WDR25: variants seen among roughly 807,000 people sequenced by gnomAD.
WDR25 encodes WD repeat-containing protein 25.
In WDR25, 35 loss-of-function variants were observed where a neutral mutation model predicts 47.7. The observed-to-expected ratio is 0.73, with a 90% confidence interval of 0.56 to 0.97. The LOEUF is 0.97. WDR25 is among the 50% of genes least tolerant of loss of function. WDR25 has a pLI of 0.00. For missense variants in WDR25, 634 were observed against 704.7 expected (o/e 0.90, Z 1.14); for synonymous variants, 248 against 278.9 (o/e 0.89, Z 1.10).
intron 2 of WDR25, among the ~76,000 whole-genome samples, chr14:100,442,477 A>G (rs1326746669): frequency 6.6e-6 from 1 of 152,216 alleles, no homozygotes; most frequent in African/African-American, 2.4e-5. Flanking sequence ...TTAACATTTT[A>G]TATGCTAGGC....
At position 100,424,335 on chromosome 14, in the gene WDR25, C is replaced by T. The variant is rs748770430; in HGVS notation, c.822+42589C>T. ...GCCTCTGTTTCCATGACAGACTGTT[C>T]ACAGCCTCACAGTTTGCATCCCGTG... On this transcript the variant is annotated intron_variant, in intron 2 of 6. Transcript: ENST00000402312. The surrounding 1 kb of genome is among the most constrained non-coding windows in gnomAD (Gnocchi z 4.2). Among the ~76,000 whole-genome samples, 2 of 152,214 alleles carry T rather than the reference C, an allele frequency of 1.3e-5. No homozygotes were observed. Among genetic ancestry groups the T allele is most frequent in the Non-Finnish European group, 2.9e-5 (2 of 68,038 alleles).
At chr14:100,462,723 T>TA (rs1899456758) in intron 2 of WDR25, among the ~76,000 whole-genome samples, 1 of 152,174 alleles carries the variant, frequency 6.6e-6, no homozygotes, top group Non-Finnish European at 1.5e-5. Flanking sequence ...TTCATAGAGT[T>TA]CAAGTTTTTT....
chr14:100,381,705 A>G lies in WDR25; in HGVS notation c.781A>G (p.Ser261Gly), dbSNP rs560440948. The change falls in exon 2 of 7, where the codon AGC becomes GGC. Residue 261 changes from serine (S) to glycine (G), a missense_variant. Transcript: ENST00000402312. Reference protein sequence around the residue: ...TIQWCPVLSKSHMLLSTSMDK... With the variant: ...TIQWCPVLSKGHMLLSTSMDK... ...TCAGTGGTGTCCAGTCCTTTCTAAG[A>G]GCCACATGCTTCTCTCCACTTCTAT... 1 of 1,611,668 alleles carries G rather than the reference A, an allele frequency of 6.2e-7. No homozygotes were observed. Among genetic ancestry groups the G allele is most frequent in the Admixed American group, 1.7e-5 (1 of 59,150 alleles).
intron 4 of WDR25, chr14:100,504,377 T>C (rs1230876894): frequency 6.6e-6 from 1 of 152,268 alleles, no homozygotes; most frequent in Non-Finnish European, 1.5e-5. Flanking sequence ...AACTTATTTA[T>C]TGGGTAATAA....
Position 100,404,923 on chromosome 14 carries a change from C to T in WDR25, c.822+23177C>T, listed in dbSNP as rs1200151672. On this transcript the variant is annotated intron_variant, in intron 2 of 6. Coordinates refer to ENST00000402312, the MANE Select transcript of WDR25 (RefSeq NM_001161476.3). The surrounding 1 kb of genome is among the most constrained non-coding windows in gnomAD (Gnocchi z 4.6). ...GAACTTGGCACTGGTGTGTTTGGGC[C>T]CTTCCTCTTAACCCTCCTACCTTGT... Among the ~76,000 whole-genome samples the T allele has an allele frequency of 6.6e-6, 1 of 152,080 alleles. No homozygotes were observed. Among genetic ancestry groups the T allele is most frequent in the Non-Finnish European group, 1.5e-5 (1 of 68,012 alleles).
In WDR25 at chr14:100,529,366, C is replaced by A; in HGVS notation, c.1413+158C>A. 1 of 1,155,670 alleles carries A rather than the reference C, an allele frequency of 8.7e-7. No individual in the cohort carries two copies. Among genetic ancestry groups the A allele is most frequent in the Non-Finnish European group, 1.2e-6 (1 of 824,618 alleles). 71.6% of individuals were successfully genotyped at this position (1,155,670 alleles called of 1,614,324 possible). On this transcript the variant is annotated intron_variant, in intron 6 of 6. Coordinates refer to ENST00000402312, the MANE Select transcript of WDR25 (RefSeq NM_001161476.3). The surrounding 1 kb of genome is among the most constrained non-coding windows in gnomAD (Gnocchi z 5.1). ...CATGCCATGTGGCTCACTGTCTCTT[C>A]AAGTCCCTGAACCACATCTGGTCCT...
intron 3 of WDR25, among the ~76,000 whole-genome samples, chr14:100,482,099 T>C (rs995403983): frequency 6.7e-6 from 1 of 148,360 alleles, no homozygotes; most frequent in Non-Finnish European, 1.5e-5. Context: ...AAAAAAGAAG[T>C]GGAAAATGTC....
chr14:100,448,884 A>G (rs1373481864), intron 2 of WDR25, among the ~76,000 whole-genome samples: 1 of 151,882 alleles, frequency 6.6e-6, no homozygotes, highest in Non-Finnish European at 1.5e-5. Flanking sequence ...CTCATGGGAG[A>G]CAGGAGAGAA....
At chr14:100,461,440 T>G (rs1325571605) in intron 2 of WDR25, among the ~76,000 whole-genome samples, 3 of 152,166 alleles carry the variant, frequency 2.0e-5, no homozygotes, top group African/African-American at 7.2e-5. Flanking sequence ...ACATTCAAGA[T>G]CTTTTCATTT....
rs758555422 is a variant in WDR25, at chr14:100,425,061, G to T, written c.823-42960G>T. The stretch of plus-strand genomic sequence containing the variant: ...ATCATATCTTGCCAAGACAAGTGCA[G>T]CAGCCTCAGAAATGTTCTCCCCTGC... On this transcript the variant is annotated intron_variant, in intron 2 of 6. Coordinates refer to ENST00000402312, the MANE Select transcript of WDR25 (RefSeq NM_001161476.3). This position sits in a 1 kb window ranked among gnomAD's most constrained non-coding sequence, Gnocchi z 4.8. 1.3e-5 allele frequency among the ~76,000 whole-genome samples: 2 copies of T among 152,202 alleles called. No individual in the cohort carries two copies. Among genetic ancestry groups the T allele is most frequent in the African/African-American group, 2.4e-5 (1 of 41,448 alleles).
intron 4 of WDR25, among the ~76,000 whole-genome samples, chr14:100,521,712 T>C (rs2029881180): frequency 6.6e-6 from 1 of 152,230 alleles, no homozygotes; most frequent in South Asian, 2.1e-4. Flanking sequence ...AGTGCTGTTT[T>C]CAGTGGCATT....
intron 4 of WDR25, among the ~76,000 whole-genome samples, chr14:100,508,101 A>T (rs1322553551): frequency 6.6e-6 from 1 of 152,220 alleles, no homozygotes; most frequent in Non-Finnish European, 1.5e-5. Context: ...CATTCCTCGG[A>T]TGCAAAGTTG....
chr14:100,508,620 A>G (rs553893322), intron 4 of WDR25, among the ~76,000 whole-genome samples: 1 of 152,310 alleles, frequency 6.6e-6, no homozygotes, highest in African/African-American at 2.4e-5. Context: ...CTGTATTACA[A>G]TGACTAGAAC....
At chr14:100,400,116 G>A (rs1214890493) in intron 2 of WDR25, among the ~76,000 whole-genome samples, 1 of 152,228 alleles carries the variant, frequency 6.6e-6, no homozygotes, top group Non-Finnish European at 1.5e-5. Flanking sequence ...GAGACATGGG[G>A]TCAGGTGCTG....
At chr14:100,443,775 G>A (rs1898740717) in intron 2 of WDR25, among the ~76,000 whole-genome samples, 1 of 152,162 alleles carries the variant, frequency 6.6e-6, no homozygotes, top group Non-Finnish European at 1.5e-5. Context: ...GAGCGCTCCG[G>A]GCTGATGTGA....
In WDR25 at chr14:100,498,938, G is replaced by A. The variant is rs142963106; in HGVS notation, c.1101+14814G>A. ...CTGTGAGCCGATGAGAGGGCTTGTC[G>A]TGGGGTCCCCCTGTGACTTGGGTGC... On this transcript the variant is annotated intron_variant, in intron 4 of 6. Transcript: ENST00000402312. The surrounding 1 kb of genome is among the most constrained non-coding windows in gnomAD (Gnocchi z 4.2). 1.1e-3 allele frequency among the ~76,000 whole-genome samples: 175 copies of A among 152,280 alleles called. 1 individual carries two copies. In the East Asian group the frequency reaches 0.016, roughly 14 times the overall value.
intron 2 of WDR25, 71 bp from the exon 3 acceptor site, chr14:100,467,950 G>A: frequency 6.3e-7 from 1 of 1,592,224 alleles, no homozygotes; most frequent in Non-Finnish European, 8.6e-7. Flanking sequence ...TCTTTCTACA[G>A]TGGGGTCGAG....
chr14:100,478,075 A>T (rs1328636368), intron 3 of WDR25, among the ~76,000 whole-genome samples: 4 of 151,574 alleles, frequency 2.6e-5, no homozygotes, highest in Non-Finnish European at 5.9e-5. Flanking sequence ...TGGGCGACAG[A>T]GCGAGACTCT....
intron 2 of WDR25, 85 bp downstream of exon 2, chr14:100,381,831 G>T (rs1222990535): frequency 5.1e-6 from 6 of 1,185,746 alleles, no homozygotes; most frequent in Non-Finnish European, 7.0e-6. Flanking sequence ...GAGGTTACAG[G>T]CTGAACTTTT....
Sources: allele counts gnomAD v4.1 joint callset (sites outside exome capture counted in the v4.1 genomes callset), GRCh38; gene constraint gnomAD v4.1.1; non-coding constraint Gnocchi (gnomAD v3.1); transcripts MANE v1.5; gene names NCBI Gene and HGNC (gene_info 2026-07-23, HGNC 2026-07-21).